C12orf54: variants seen among roughly 807,000 people sequenced by gnomAD.
C12orf54 encodes the protein uncharacterized protein C12orf54.
C12orf54 carries 24 observed loss-of-function variants against 26.4 expected under a neutral mutation model. That is an observed-to-expected ratio of 0.91 (90% CI 0.66 to 1.28). The LOEUF (loss-of-function observed/expected upper bound fraction) is 1.28, where lower values mean the gene tolerates loss of function less well. Among genes scored for constraint, C12orf54 ranks in the 50% most tolerant of loss-of-function variants. C12orf54 has a pLI of 0.00. For synonymous variants in C12orf54, 54 were observed against 47.0 expected (o/e 1.15, Z -0.61); for missense variants, 154 against 150.9 (o/e 1.02, Z -0.11).
At chr12:48,456,980 G>A in the C12orf54 span, among the ~76,000 whole-genome samples, 223 of 152,220 alleles carry the variant, frequency 1.5e-3, no homozygotes, top group Non-Finnish European at 1.7e-3. Flanking sequence ...ATATTTAGAT[G>A]TGATCCTACT....
chr12:48,493,786 C>T (rs1053518084), intron 7 of C12orf54, among the ~76,000 whole-genome samples: 1 of 146,036 alleles, frequency 6.8e-6, no homozygotes, highest in Non-Finnish European at 1.5e-5. Context: ...GAAAAAAGAT[C>T]AGGCTACTGC....
the C12orf54 span, among the ~76,000 whole-genome samples, chr12:48,436,623 A>G: frequency 6.6e-6 from 1 of 152,216 alleles, no homozygotes; most frequent in Non-Finnish European, 1.5e-5. Context: ...GCTCAACTAC[A>G]TGGAAACTGA....
intron 2 of C12orf54, among the ~76,000 whole-genome samples, chr12:48,485,678 G>C (rs760131801): frequency 6.6e-6 from 1 of 152,182 alleles, no homozygotes. Flanking sequence ...AGCTTCAGTT[G>C]TGCTGCCAAG....
At chr12:48,424,534 G>A in the C12orf54 span, among the ~76,000 whole-genome samples, 1 of 151,944 alleles carries the variant, frequency 6.6e-6, no homozygotes, top group Non-Finnish European at 1.5e-5. Context: ...TGGTTCAAAT[G>A]AAAAATATCT....
At chr12:48,464,961 C>A in the C12orf54 span, among the ~76,000 whole-genome samples, 6 of 151,756 alleles carry the variant, frequency 4.0e-5, no homozygotes, top group Admixed American at 6.6e-5. Context: ...ACTATAAAAG[C>A]CTTGTATTAC....
chr12:48,436,308 T>C, the C12orf54 span, among the ~76,000 whole-genome samples: 3 of 152,102 alleles, frequency 2.0e-5, no homozygotes, highest in Admixed American at 6.6e-5. Flanking sequence ...ACAATAATAA[T>C]GGGACACTTT....
At chr12:48,437,865 C>G in the C12orf54 span, among the ~76,000 whole-genome samples, 2 of 152,050 alleles carry the variant, frequency 1.3e-5, no homozygotes, top group African/African-American at 2.4e-5. Context: ...CCCTCTCTCA[C>G]CACTCCTATT....
the C12orf54 span, among the ~76,000 whole-genome samples, chr12:48,437,615 C>T: frequency 5.3e-5 from 8 of 152,112 alleles, no homozygotes; most frequent in Non-Finnish European, 1.2e-4. Flanking sequence ...AATCAGTAAA[C>T]GTAATCCAGC....
the C12orf54 span, among the ~76,000 whole-genome samples, chr12:48,438,945 A>C: frequency 6.6e-6 from 1 of 152,162 alleles, no homozygotes; most frequent in Non-Finnish European, 1.5e-5. Context: ...CAGCAAAAGA[A>C]ACTACCATCA....
chr12:48,495,199 A>G (rs1023080721), intron 8 of C12orf54, among the ~76,000 whole-genome samples: 1 of 152,196 alleles, frequency 6.6e-6, no homozygotes, highest in Non-Finnish European at 1.5e-5. Flanking sequence ...GCCAGAGTGC[A>G]TCAAGTATGG....
chr12:48,427,378 A>G, the C12orf54 span, among the ~76,000 whole-genome samples: 2 of 152,158 alleles, frequency 1.3e-5, no homozygotes, highest in African/African-American at 4.8e-5. Context: ...GATGAATCAC[A>G]TTTATTGATT....
chr12:48,414,600 A>AT, the C12orf54 span, among the ~76,000 whole-genome samples: 2 of 151,916 alleles, frequency 1.3e-5, no homozygotes, highest in Non-Finnish European at 2.9e-5. Flanking sequence ...GACTTTCTTC[A>AT]TTTTTTCTAG....
the C12orf54 span, among the ~76,000 whole-genome samples, chr12:48,431,830 G>C: frequency 1.8e-3 from 276 of 152,300 alleles, no homozygotes; most frequent in African/African-American, 6.1e-3. Flanking sequence ...GGATTGGAGA[G>C]TGACTACCCA....
chr12:48,486,797 C>T lies in C12orf54; in HGVS notation c.135+71C>T, dbSNP rs550537041. 5.6e-5 allele frequency: 80 copies of T among 1,433,816 alleles called. No individual in the cohort carries two copies. The East Asian group carries it at 1.8e-3, about 32-fold the overall frequency. 88.8% of individuals were successfully genotyped at this position (1,433,816 alleles called of 1,614,324 possible). The stretch of plus-strand genomic sequence containing the variant: ...GGTGGGGGAAGTCTTCAGGAAGGAG[C>T]ACATTTCTTTCTCTTTCCTTGAGCG... On this transcript the variant is annotated intron_variant, in intron 4 of 8. Coordinates refer to ENST00000548364, the MANE Select transcript of C12orf54 (RefSeq NM_152319.4).
At chr12:48,457,271 TTTGTTG>T in the C12orf54 span, among the ~76,000 whole-genome samples, 7 of 133,158 alleles carry the variant, frequency 5.3e-5, no homozygotes, top group South Asian at 8.0e-4. Flanking sequence ...CAAGCAGTTT[TTTGTTG>T]TTGTTGTTGG....
chr12:48,457,398 A>G, the C12orf54 span, among the ~76,000 whole-genome samples: 1 of 151,594 alleles, frequency 6.6e-6, no homozygotes, highest in African/African-American at 2.4e-5. Context: ...TGATGTCTTG[A>G]TCTCAGCTCA....
At chr12:48,449,003 C>T in the C12orf54 span, among the ~76,000 whole-genome samples, 1 of 152,188 alleles carries the variant, frequency 6.6e-6, no homozygotes, top group Admixed American at 6.5e-5. Context: ...TGGGCTGTAG[C>T]TTCCAGGCTA....
the C12orf54 span, among the ~76,000 whole-genome samples, chr12:48,440,222 C>G: frequency 6.7e-6 from 1 of 148,718 alleles, no homozygotes; most frequent in African/African-American, 2.5e-5. Flanking sequence ...GAGACTCCAT[C>G]TCAAAAAAAA....
At chr12:48,456,555 G>A in the C12orf54 span, among the ~76,000 whole-genome samples, 2 of 152,140 alleles carry the variant, frequency 1.3e-5, no homozygotes, top group African/African-American at 4.8e-5. Context: ...GGTTAAATTT[G>A]AATCCCAACT....
Sources: allele counts gnomAD v4.1 joint callset (sites outside exome capture counted in the v4.1 genomes callset), GRCh38; gene constraint gnomAD v4.1.1; transcripts MANE v1.5; gene names NCBI Gene and HGNC (gene_info 2026-07-23, HGNC 2026-07-21).